YBX1: variants seen among roughly 807,000 people sequenced by gnomAD.
YBX1 encodes the protein Y-box binding protein 1.
Under a neutral mutation model 41.4 loss-of-function variants are expected in YBX1, and 3 were observed. The observed-to-expected ratio is 0.07, with a 90% confidence interval of 0.03 to 0.19. YBX1 has a LOEUF of 0.19. YBX1 is among the 10% of genes least tolerant of loss of function. YBX1 has a pLI of 1.00. For missense variants in YBX1, 274 were observed against 462.8 expected (o/e 0.59, Z 3.74); for synonymous variants, 133 against 165.8 (o/e 0.80, Z 1.52).
intron 3 of YBX1, among the ~76,000 whole-genome samples, chr1:42,694,037 T>G (rs1462077715): frequency 1.3e-5 from 2 of 152,124 alleles, no homozygotes; most frequent in African/African-American, 4.8e-5. Flanking sequence ...TTGGGTTTTT[T>G]TTTTTTTTAA....
At chr1:42,698,323 C>G (rs886953956) in intron 6 of YBX1, among the ~76,000 whole-genome samples, 1 of 152,138 alleles carries the variant, frequency 6.6e-6, no homozygotes, top group South Asian at 2.1e-4. Flanking sequence ...TATGTCTTGT[C>G]CTGAGTTTTC....
chr1:42,685,826 A>G (rs998317529), intron 2 of YBX1, among the ~76,000 whole-genome samples: 4 of 152,228 alleles, frequency 2.6e-5, no homozygotes, highest in African/African-American at 9.6e-5. Context: ...AGCCTGAATT[A>G]CCACCTGATG....
Position 42,689,270 on chromosome 1 carries a change from A to G in YBX1, c.231-4220A>G, listed in dbSNP as rs559085735. On this transcript the variant is annotated intron_variant, in intron 2 of 7. Transcript: ENST00000321358. ...TTAATAGAGAAGAAATACAAAGATAAGTGGACATTATTATCTTACAGTCAT... is the reference window on the plus strand; with the variant it reads ...TTAATAGAGAAGAAATACAAAGATAGGTGGACATTATTATCTTACAGTCAT... Among the ~76,000 whole-genome samples, 3 of 152,310 alleles carry G rather than the reference A, an allele frequency of 2.0e-5. No homozygotes were observed. In the South Asian group the frequency reaches 6.2e-4, roughly 32 times the overall value.
At chr1:42,683,846 C>G (rs1040113064) in intron 2 of YBX1, among the ~76,000 whole-genome samples, 1 of 152,022 alleles carries the variant, frequency 6.6e-6, no homozygotes, top group Non-Finnish European at 1.5e-5. Context: ...GAATGTGATC[C>G]ACTGACATCG....
chr1:42,682,860 C>G (rs1472447682), intron 1 of YBX1, 129 bp downstream of exon 1: 2 of 377,060 alleles, frequency 5.3e-6, no homozygotes, highest in African/African-American at 2.2e-5. Flanking sequence ...GCCGCCCATC[C>G]CCCCCGTCCC....
intron 1 of YBX1, 47 bp downstream of exon 1, chr1:42,682,778 A>G (rs1450412299): frequency 9.4e-6 from 11 of 1,164,108 alleles, no homozygotes; most frequent in Non-Finnish European, 1.1e-5. Context: ...GCAGCCCAGC[A>G]GCGGAACCGT....
At chr1:42,685,216 A>G (rs1421997587) in intron 2 of YBX1, among the ~76,000 whole-genome samples, 2 of 152,184 alleles carry the variant, frequency 1.3e-5, no homozygotes, top group Non-Finnish European at 2.9e-5. Context: ...TAAGAGTAAT[A>G]TCTTTACATT....
At chr1:42,682,866 GT>G in intron 1 of YBX1, 135 bp downstream of exon 1, 2 of 314,162 alleles carry the variant, frequency 6.4e-6, no homozygotes, top group Non-Finnish European at 9.5e-6. Context: ...CATCCCCCCC[GT>G]CCCCCCCTCA....
chr1:42,688,513 A>G (rs563141584), intron 2 of YBX1, among the ~76,000 whole-genome samples: 10 of 152,360 alleles, frequency 6.6e-5, no homozygotes, highest in African/African-American at 2.4e-4. Context: ...TTGTACTATT[A>G]TAATATGTAG....
At position 42,692,429 on chromosome 1, in the gene YBX1, T is replaced by C. The variant is rs190852210; in HGVS notation, c.231-1061T>C. On this transcript the variant is annotated intron_variant, in intron 2 of 7. Coordinates refer to ENST00000321358, the MANE Select transcript of YBX1 (RefSeq NM_004559.5). ...TTTTCAGTCACTTGCCTTAAGTCGCTTTTACAGTTTACCTGTTCTGTTTTT... is the reference window on the plus strand; with the variant it reads ...TTTTCAGTCACTTGCCTTAAGTCGCCTTTACAGTTTACCTGTTCTGTTTTT... 1.2e-3 allele frequency among the ~76,000 whole-genome samples: 183 copies of C among 152,346 alleles called. 2 individuals are homozygous for C. Among genetic ancestry groups the C allele is most frequent in the African/African-American group, 3.8e-3 (158 of 41,576 alleles).
chr1:42,683,195 G>A, intron 1 of YBX1: 1 of 682,440 alleles, frequency 1.5e-6, no homozygotes, highest in Non-Finnish European at 2.7e-6. Flanking sequence ...CCGCGCCCCG[G>A]GCCTGCCCTG....
At chr1:42,687,849 A>G (rs1239666599) in intron 2 of YBX1, among the ~76,000 whole-genome samples, 2 of 152,242 alleles carry the variant, frequency 1.3e-5, no homozygotes, top group Non-Finnish European at 2.9e-5. Flanking sequence ...TTGCTAAGCC[A>G]CATAAGTCAT....
chr1:42,697,126 G>T (rs1650480375), intron 5 of YBX1, 54 bp from the exon 6 acceptor site: 2 of 1,575,332 alleles, frequency 1.3e-6, no homozygotes, highest in Non-Finnish European at 1.7e-6. Flanking sequence ...ATCTGGTTGG[G>T]TTTTTTTATT....
chr1:42,697,274 G>A lies in YBX1; in HGVS notation c.740+12G>A, dbSNP rs766830842. 1.9e-5 allele frequency: 30 copies of A among 1,611,052 alleles called. No homozygotes were observed. The East Asian group carries it at 2.9e-4, about 16-fold the overall frequency. On this transcript the variant is annotated intron_variant, in intron 6 of 7. Transcript: ENST00000321358. ...CCACGATTCCGCAGGTATGGTCCAC[G>A]TAAACATGTTTCTATTAAAATTTCC... is the stretch of plus-strand genomic sequence containing the variant.
intron 2 of YBX1, among the ~76,000 whole-genome samples, chr1:42,692,124 G>A (rs1045616574): frequency 3.0e-4 from 45 of 152,120 alleles, no homozygotes; most frequent in Non-Finnish European, 4.0e-4. Flanking sequence ...CACTGCACCC[G>A]GACTGGAAAA....
At chr1:42,686,211 A>T (rs2148735617) in intron 2 of YBX1, among the ~76,000 whole-genome samples, 1 of 152,356 alleles carries the variant, frequency 6.6e-6, no homozygotes, top group African/African-American at 2.4e-5. Flanking sequence ...GTTTAAATTA[A>T]TAATTCTTAA....
intron 2 of YBX1, among the ~76,000 whole-genome samples, chr1:42,687,600 T>C: frequency 6.6e-6 from 1 of 152,100 alleles, no homozygotes; most frequent in Non-Finnish European, 1.5e-5. Flanking sequence ...GTGATTTTTT[T>C]TTCTTTTTTA....
At chr1:42,691,841 C>T (rs1045970267) in intron 2 of YBX1, among the ~76,000 whole-genome samples, 4 of 151,948 alleles carry the variant, frequency 2.6e-5, no homozygotes, top group African/African-American at 4.8e-5. Context: ...GATAGTGCTC[C>T]CTATCTTTGG....
chr1:42,692,079 T>C (rs533866824), intron 2 of YBX1, among the ~76,000 whole-genome samples: 1 of 152,338 alleles, frequency 6.6e-6, no homozygotes, highest in South Asian at 2.1e-4. Flanking sequence ...CTTGAACTCT[T>C]GGCCTCCCAA....
Sources: gnomAD v4.1 joint callset for allele counts (sites outside exome capture counted in the v4.1 genomes callset) on GRCh38, gnomAD v4.1.1 for gene constraint, MANE v1.5 for transcripts, NCBI Gene and HGNC (gene_info 2026-07-23, HGNC 2026-07-21) for gene names.